The following ANO6 variants were observed in gnomAD, a reference collection of about 807,000 sequenced individuals.
ANO6 encodes anoctamin 6.
Under a neutral mutation model 117.5 loss-of-function variants are expected in ANO6, and 106 were observed. The observed-to-expected ratio is 0.90, with a 90% CI of 0.77 to 1.06. The LOEUF is 1.06. ANO6 is among the 50% of genes least tolerant of loss of function. ANO6 has a pLI of 0.00. For missense variants in ANO6, 955 were observed against 1,121.1 expected (o/e 0.85, Z 2.12); for synonymous variants, 367 against 385.1 (o/e 0.95, Z 0.55).
intron 2 of ANO6, among the ~76,000 whole-genome samples, chr12:45,304,338 A>G (rs1352000567): frequency 1.3e-5 from 2 of 152,220 alleles, no homozygotes; most frequent in Non-Finnish European, 2.9e-5. Context: ...TAGGCAGGCA[A>G]ATGCCAGGAC....
intron 2 of ANO6, among the ~76,000 whole-genome samples, chr12:45,316,583 C>G (rs1940033266): frequency 6.6e-6 from 1 of 152,054 alleles, no homozygotes; most frequent in Non-Finnish European, 1.5e-5. Flanking sequence ...ACGACTTAGT[C>G]TATTGCCACC....
chr12:45,328,628 A>G (rs1940556391), intron 2 of ANO6, among the ~76,000 whole-genome samples: 1 of 152,058 alleles, frequency 6.6e-6, no homozygotes. Flanking sequence ...TGAGAAATCT[A>G]AATATTTACG....
At chr12:45,284,876 C>T (rs1938857125) in intron 1 of ANO6, among the ~76,000 whole-genome samples, 2 of 152,164 alleles carry the variant, frequency 1.3e-5, no homozygotes, top group South Asian at 4.1e-4. Context: ...TAATTTAAGA[C>T]ATTTAATCCT....
At chr12:45,433,691 G>A (rs866703869), downstream of ANO6, among the ~76,000 whole-genome samples, 2 of 136,376 alleles carry the variant, frequency 1.5e-5, no homozygotes, top group Middle Eastern at 3.5e-3. Flanking sequence ...TTGAGCCCTC[G>A]TCACCGTCAC....
chr12:45,270,219 C>A (rs1294501084), intron 1 of ANO6, among the ~76,000 whole-genome samples: 1 of 152,150 alleles, frequency 6.6e-6, no homozygotes, highest in African/African-American at 2.4e-5. Context: ...GAGGAAGGAG[C>A]CATTCTTTTT....
chr12:45,428,730 T>C (rs1437089276), intron 19 of ANO6, among the ~76,000 whole-genome samples: 1 of 152,238 alleles, frequency 6.6e-6, no homozygotes. Flanking sequence ...ACAGATATGA[T>C]AGCACTGACT....
At chr12:45,339,853 C>T (rs1338627399) in intron 3 of ANO6, among the ~76,000 whole-genome samples, 1 of 152,028 alleles carries the variant, frequency 6.6e-6, no homozygotes, top group Admixed American at 6.6e-5. Flanking sequence ...ATGACAGCAC[C>T]ATCAATACTT....
rs1275083828 is a variant in ANO6, at chr12:45,361,127, T to G, written c.998+3703T>G. 2.6e-5 allele frequency among the ~76,000 whole-genome samples: 4 copies of G among 152,324 alleles called. No homozygotes were observed. In the South Asian group the frequency reaches 6.2e-4, roughly 24 times the overall value. ...ATAATGTTGATTCCATAGGTCAGTT[T>G]GGAGAGTATTGCCATCTTAACAATA... is the stretch of plus-strand genomic sequence containing the variant. On this transcript the variant is annotated intron_variant, in intron 8 of 19. Coordinates refer to ENST00000320560, the MANE Select transcript of ANO6 (RefSeq NM_001025356.3).
At position 45,271,261 on chromosome 12, in the gene ANO6, A is replaced by G. The variant is rs535825464; in HGVS notation, c.71-30753A>G. ...AAATGTATATGGCATAACAAAAGGG[A>G]GTATTGTGGCATTACCTAACAACAA... is the stretch of plus-strand genomic sequence containing the variant. On this transcript the variant is annotated intron_variant, in intron 1 of 19. Transcript: ENST00000320560. Among the ~76,000 whole-genome samples, 15 of 152,346 alleles carry G rather than the reference A, an allele frequency of 9.8e-5. No individual in the cohort carries two copies. In the South Asian group the frequency reaches 3.1e-3, roughly 32 times the overall value.
At chr12:45,249,045 A>T (rs1158941223) in intron 1 of ANO6, among the ~76,000 whole-genome samples, 1 of 152,210 alleles carries the variant, frequency 6.6e-6, no homozygotes, top group African/African-American at 2.4e-5. Flanking sequence ...GGTTGTCTTA[A>T]AATCATCATA....
intron 8 of ANO6, among the ~76,000 whole-genome samples, chr12:45,361,159 CT>C (rs1941545348): frequency 1.3e-5 from 2 of 152,002 alleles, no homozygotes; most frequent in Admixed American, 1.3e-4. Flanking sequence ...AATATTAAGT[CT>C]TTTAATCCCT....
At chr12:45,359,391 T>G (rs1031396952) in intron 8 of ANO6, among the ~76,000 whole-genome samples, 2 of 152,172 alleles carry the variant, frequency 1.3e-5, no homozygotes, top group South Asian at 2.1e-4. Flanking sequence ...ACCATCTAAT[T>G]CTAGAACATT....
intron 2 of ANO6, among the ~76,000 whole-genome samples, chr12:45,302,453 G>T (rs890396428): frequency 6.6e-6 from 1 of 152,126 alleles, no homozygotes; most frequent in African/African-American, 2.4e-5. Context: ...GCATATACAG[G>T]TATATTGACC....
At position 45,388,277 on chromosome 12, in the gene ANO6, C is replaced by T. The variant is rs201676693; in HGVS notation, c.1282C>T (p.His428Tyr). ...ACCAGAATACGAAGCACGATGTACTCACGTAGTGATAAATGAGATTACTCA... is the reference window on the plus strand; with the variant it reads ...ACCAGAATACGAAGCACGATGTACTTACGTAGTGATAAATGAGATTACTCA... ...ARPEYEARCT[H>Y]VVINEITQEE... Residue 428 changes from histidine to tyrosine, a missense_variant, in exon 11 of 20, where the codon CAC (histidine) becomes TAC (tyrosine). His to Tyr is a moderately conservative substitution (Grantham distance 83). Transcript: ENST00000320560. The T allele has an allele frequency of 2.5e-6, 4 of 1,614,072 alleles. No individual in the cohort carries two copies. The highest frequency in any genetic ancestry group is 3.3e-5 in the Admixed American group (2 of 60,028).
intron 2 of ANO6, among the ~76,000 whole-genome samples, chr12:45,319,541 C>G (rs1468035952): frequency 6.6e-6 from 1 of 152,202 alleles, no homozygotes; most frequent in Non-Finnish European, 1.5e-5. Flanking sequence ...AGGATTTTCA[C>G]ATCGATGTTC....
At chr12:45,308,598 T>TG (rs2137325413) in intron 2 of ANO6, among the ~76,000 whole-genome samples, 1 of 151,954 alleles carries the variant, frequency 6.6e-6, no homozygotes, top group South Asian at 2.1e-4. Context: ...GGTTGGGTGG[T>TG]TGTGTGTTTT....
At chr12:45,322,174 A>T (rs145803862) in intron 2 of ANO6, among the ~76,000 whole-genome samples, 3 of 152,152 alleles carry the variant, frequency 2.0e-5, no homozygotes, top group African/African-American at 7.2e-5. Flanking sequence ...GCACACATCC[A>T]TTGGCACAGA....
chr12:45,302,662 T>C (rs1699840017), intron 2 of ANO6, among the ~76,000 whole-genome samples: 1 of 152,202 alleles, frequency 6.6e-6, no homozygotes, highest in Non-Finnish European at 1.5e-5. Context: ...AAAATCTTAT[T>C]AGAAGCTACT....
chr12:45,255,253 G>A (rs1004610652), intron 1 of ANO6, among the ~76,000 whole-genome samples: 12 of 152,114 alleles, frequency 7.9e-5, no homozygotes, highest in African/African-American at 2.4e-4. Context: ...CATCATTAGC[G>A]CATGCTCCCT....
Sources: gnomAD v4.1 joint callset for allele counts (sites outside exome capture counted in the v4.1 genomes callset) on GRCh38, gnomAD v4.1.1 for gene constraint, MANE v1.5 for transcripts, NCBI Gene and HGNC (gene_info 2026-07-23, HGNC 2026-07-21) for gene names.